Variants in WDR64 observed in about 807,000 individuals in gnomAD.
WDR64 encodes WD repeat domain 64, also known as WD repeat-containing protein 64.
In WDR64, 112 loss-of-function variants were observed where a neutral mutation model predicts 139.3. The observed-to-expected ratio is 0.80, with a 90% CI of 0.69 to 0.94. The LOEUF (loss-of-function observed/expected upper bound fraction) is 0.94, where lower values mean the gene tolerates loss of function less well. Among genes scored for constraint, WDR64 ranks in the 40% least tolerant of loss-of-function variants. WDR64 has a pLI of 0.00. For synonymous variants in WDR64, 444 were observed against 437.7 expected (o/e 1.01, Z -0.18); for missense variants, 1,206 against 1,293.1 (o/e 0.93, Z 1.03).
At chr1:241,677,937 G>A (rs1258480823) in intron 4 of WDR64, among the ~76,000 whole-genome samples, 1 of 152,190 alleles carries the variant, frequency 6.6e-6, no homozygotes, top group African/African-American at 2.4e-5. Flanking sequence ...ACAATGATTA[G>A]TGAAGTGTTA....
chr1:241,760,759 A>ATTTTTTTTTT (rs71174847), intron 15 of WDR64, among the ~76,000 whole-genome samples: 3 of 87,058 alleles, frequency 3.4e-5, no homozygotes, highest in African/African-American at 8.9e-5. Context: ...GTGGGTTTCC[A>ATTTTTTTTTT]TTTTTTTTTT....
chr1:241,725,879 G>A (rs893795323), intron 10 of WDR64, among the ~76,000 whole-genome samples: 24 of 152,026 alleles, frequency 1.6e-4, no homozygotes, highest in Admixed American at 1.4e-3. Context: ...CCGGGCTAGA[G>A]TACAATGGCA....
At chr1:241,781,949 G>T (rs541586322) in intron 22 of WDR64, among the ~76,000 whole-genome samples, 1 of 152,226 alleles carries the variant, frequency 6.6e-6, no homozygotes, top group African/African-American at 2.4e-5. Context: ...CTAAGGCAGA[G>T]AAAGAAACCT....
chr1:241,740,330 A>T (rs2148241423), intron 11 of WDR64, among the ~76,000 whole-genome samples: 1 of 152,368 alleles, frequency 6.6e-6, no homozygotes, highest in East Asian at 1.9e-4. Context: ...AATGAAAAGG[A>T]TCTACCAAAA....
At chr1:241,665,311 T>C (rs372785804) in intron 2 of WDR64, among the ~76,000 whole-genome samples, 2 of 152,368 alleles carry the variant, frequency 1.3e-5, no homozygotes. Context: ...TTTCAAGCCA[T>C]GTGAGCTAAA....
rs1659363176 is a variant in WDR64, at chr1:241,796,326, G to A, written c.3148G>A (p.Gly1050Ser). The A allele has an allele frequency of 1.9e-6, 3 of 1,613,684 alleles. No homozygotes were observed. The highest frequency in any genetic ancestry group is 2.5e-6 in the Non-Finnish European group (3 of 1,179,850). ...GVEAQKDSSD[G>S]ITGKKKGGHV... is the part of the protein sequence containing the mutation. The stretch of plus-strand genomic sequence containing the variant: ...AGAAGCCCAAAAGGACTCTTCAGAT[G>A]GCATTACAGGAAAGAAGAAGGGAGG... Residue 1050 changes from glycine to serine, a missense_variant, in exon 27 of 28, where the codon GGC (glycine) becomes AGC (serine). Physicochemically the swap from Gly to Ser is moderately conservative, Grantham distance 56. Transcript: ENST00000437684.
intron 4 of WDR64, among the ~76,000 whole-genome samples, chr1:241,677,890 TA>T (rs1313916726): frequency 6.6e-6 from 1 of 152,078 alleles, no homozygotes; most frequent in South Asian, 2.1e-4. Context: ...TCCAAACAAC[TA>T]AAAAAAATAT....
rs374287364 is a variant in WDR64 at position 241,796,382 on chromosome 1, C to G, written c.3192+12C>G. 1.9e-5 allele frequency: 29 copies of G among 1,549,404 alleles called. No homozygotes were observed. Among genetic ancestry groups the G allele is most frequent in the Non-Finnish European group, 2.4e-5 (27 of 1,125,722 alleles). On this transcript the variant is annotated intron_variant, in intron 27 of 27. Coordinates refer to ENST00000437684, the MANE Select transcript of WDR64 (RefSeq NM_001367482.1). Reference sequence around the variant, plus strand: ...TTCAACGTGAAAAAGTAAGTTAGTACTAATTCCACCGTTAACTCCAATTTC... The same window carrying G: ...TTCAACGTGAAAAAGTAAGTTAGTAGTAATTCCACCGTTAACTCCAATTTC...
intron 15 of WDR64, among the ~76,000 whole-genome samples, chr1:241,760,345 A>T (rs1558511934): frequency 6.6e-6 from 1 of 150,552 alleles, no homozygotes; most frequent in Admixed American, 6.6e-5. Flanking sequence ...ATATATATAT[A>T]TTTATATTTA....
intron 2 of WDR64, among the ~76,000 whole-genome samples, chr1:241,666,376 A>G (rs944177326): frequency 6.6e-6 from 1 of 152,186 alleles, no homozygotes; most frequent in Non-Finnish European, 1.5e-5. Flanking sequence ...ATCTGGTATA[A>G]TACCCAAATT....
In WDR64 at chr1:241,790,661, G is replaced by C. The variant is rs1659188594; in HGVS notation, c.2962G>C (p.Asp988His). Residue 988 changes from aspartate to histidine, a missense_variant, in exon 25 of 28, where the codon GAT (aspartate) becomes CAT (histidine). By Grantham distance (81) the Asp-to-His change is moderately conservative. Transcript: ENST00000437684. ...TCCCAAGGCCTTTGAAGTGGAACAGGATTTCAAGTTTTTCAAGTCTCTTTC... is the reference window on the plus strand; with the variant it reads ...TCCCAAGGCCTTTGAAGTGGAACAGCATTTCAAGTTTTTCAAGTCTCTTTC... Reference protein sequence around the residue: ...TPPKAFEVEQDFKFFKSLSSP... With the variant: ...TPPKAFEVEQHFKFFKSLSSP... The C allele has an allele frequency of 1.0e-5, 16 of 1,607,910 alleles. No individual in the cohort carries two copies. Among genetic ancestry groups the C allele is most frequent in the Non-Finnish European group, 1.4e-5 (16 of 1,178,552 alleles).
At chr1:241,679,619 A>C in intron 6 of WDR64, 24 bp downstream of exon 6, 1 of 1,539,782 alleles carries the variant, frequency 6.5e-7, no homozygotes, top group Non-Finnish European at 8.8e-7. Flanking sequence ...AGAAATACTC[A>C]AAGAAATGAG....
At chr1:241,705,002 C>T (rs948325954) in intron 8 of WDR64, among the ~76,000 whole-genome samples, 5 of 152,288 alleles carry the variant, frequency 3.3e-5, no homozygotes, top group East Asian at 1.9e-4. Context: ...GTTATTTTGT[C>T]TGCCTTCCCC....
chr1:241,741,023 T>G (rs1669519977), intron 11 of WDR64, among the ~76,000 whole-genome samples: 1 of 152,258 alleles, frequency 6.6e-6, no homozygotes, highest in Non-Finnish European at 1.5e-5. Context: ...GTGATCATTC[T>G]CATTTGTTAC....
rs1558466007 is a variant in WDR64 at position 241,675,084 on chromosome 1, T to TCC, written c.483+337_483+338insCC. Among the ~76,000 whole-genome samples the TCC allele has an allele frequency of 1.6e-3, 86 of 52,834 alleles. 15 individuals carry two copies. The highest frequency in any genetic ancestry group is 5.5e-3 in the East Asian group (6 of 1,098). The allele number at this position is 52,834 out of a possible 152,430, so 34.7% of individuals were successfully genotyped here. On this transcript the variant is annotated intron_variant, in intron 4 of 27. Coordinates refer to ENST00000437684, the MANE Select transcript of WDR64 (RefSeq NM_001367482.1). Reference sequence around the variant, plus strand: ...CCTTCCTCCTTCCTGCCTCCCTCCCTTCATCCTTCCTCCCTCCCTCCTTCC... The same window carrying TCC: ...CCTTCCTCCTTCCTGCCTCCCTCCCTCCTCATCCTTCCTCCCTCCCTCCTTCC...
Position 241,657,829 on chromosome 1 carries a change from C to T in WDR64, c.146-2701C>T, listed in dbSNP as rs1270541773. 2.6e-5 allele frequency among the ~76,000 whole-genome samples: 4 copies of T among 152,204 alleles called. No individual in the cohort carries two copies. The East Asian group carries it at 7.7e-4, about 29-fold the overall frequency. ...ATGTACTCTTCTGAAGGAGGTAGCT[C>T]TGTAAACTTGAACCTTGGTAAACAC... On this transcript the variant is annotated intron_variant, in intron 1 of 27. Coordinates refer to ENST00000437684, the MANE Select transcript of WDR64 (RefSeq NM_001367482.1).
chr1:241,798,904 A>C (rs925903281), intron 27 of WDR64, among the ~76,000 whole-genome samples: 1 of 152,178 alleles, frequency 6.6e-6, no homozygotes, highest in Admixed American at 6.5e-5. Context: ...ATAAATCAGA[A>C]CATGAGTTTG....
chr1:241,708,147 G>C (rs1441108227), intron 8 of WDR64, among the ~76,000 whole-genome samples: 1 of 152,156 alleles, frequency 6.6e-6, no homozygotes, highest in Non-Finnish European at 1.5e-5. Context: ...ATATACTCCA[G>C]GGGGTATGCA....
At chr1:241,752,474 T>C (rs1303189073) in intron 14 of WDR64, among the ~76,000 whole-genome samples, 1 of 152,238 alleles carries the variant, frequency 6.6e-6, no homozygotes, top group East Asian at 1.9e-4. Context: ...AGGTGTTTTG[T>C]AAATTCTGCT....
Sources: gnomAD v4.1 joint callset for allele counts (sites outside exome capture counted in the v4.1 genomes callset) on GRCh38, gnomAD v4.1.1 for gene constraint, MANE v1.5 for transcripts, NCBI Gene and HGNC (gene_info 2026-07-23, HGNC 2026-07-21) for gene names.